The following ZEB2 variants were observed in gnomAD, a reference collection of about 807,000 sequenced individuals.
The protein encoded by ZEB2 is zinc finger E-box binding homeobox 2, also known as zinc finger E-box-binding homeobox 2.
A neutral mutation model predicts 99.9 loss-of-function variants in ZEB2; 6 were observed. The ratio of observed to expected loss-of-function variants is 0.06; its 90% CI spans 0.03 to 0.12. The LOEUF is 0.12. Among genes scored for constraint, ZEB2 ranks in the 10% least tolerant of loss-of-function variants. The pLI is 1.00. For synonymous variants in ZEB2, 517 were observed against 542.5 expected (o/e 0.95, Z 0.65); for missense variants, 969 against 1,502.8 (o/e 0.64, Z 5.87).
chr2:144,427,187 G>A (rs1273894567), intron 3 of ZEB2: 4 of 152,202 alleles, frequency 2.6e-5, no homozygotes, highest in South Asian at 4.1e-4. Context: ...AGCAGAAAGA[G>A]GCCAAGATGC....
In ZEB2 at chr2:144,387,657, T is replaced by A. The variant is rs1300996315; in HGVS notation, c.*1794A>T. On this transcript the variant is annotated 3_prime_UTR_variant, in exon 10 of 10. Transcript: ENST00000627532. ...TAGCTGTCTTTTTGAAATTAGACTT[T>A]TTTTTGAATAAATCACAAAGACCCC... 6.6e-6 allele frequency: 1 copy of A among 152,244 alleles called. No homozygotes were observed. The highest frequency in any genetic ancestry group is 6.5e-5 in the Admixed American group (1 of 15,276). 9.4% of individuals were successfully genotyped at this position (152,244 alleles called of 1,614,324 possible).
intron 1 of ZEB2, chr2:144,519,451 G>A (rs1705229818): frequency 6.5e-6 from 1 of 153,540 alleles, no homozygotes; most frequent in Non-Finnish European, 1.4e-5. Context: ...ATGTCTAAGA[G>A]AAAGACTTGC....
chr2:144,391,914 C>T (rs1161044969), intron 9 of ZEB2, among the ~76,000 whole-genome samples: 1 of 152,140 alleles, frequency 6.6e-6, no homozygotes, highest in Admixed American at 6.5e-5. Flanking sequence ...AAAGGAAGAT[C>T]ATTTGGGGAC....
At chr2:144,417,209 T>A (rs1363168018) in intron 4 of ZEB2, among the ~76,000 whole-genome samples, 1 of 152,144 alleles carries the variant, frequency 6.6e-6, no homozygotes. Flanking sequence ...ATTTGTAAAT[T>A]TTCTCTTCTT....
chr2:144,499,010 TCA>T (rs1364700608), intron 2 of ZEB2, among the ~76,000 whole-genome samples: 7 of 152,180 alleles, frequency 4.6e-5, no homozygotes, highest in African/African-American at 1.4e-4. Context: ...AAACATAACT[TCA>T]GAGTGAAGTG....
At chr2:144,502,642 AG>A (rs1704890153) in intron 2 of ZEB2, among the ~76,000 whole-genome samples, 1 of 152,190 alleles carries the variant, frequency 6.6e-6, no homozygotes, top group South Asian at 2.1e-4. Context: ...AGAGAGGCAG[AG>A]GGGGAACAAA....
intron 2 of ZEB2, among the ~76,000 whole-genome samples, chr2:144,439,237 G>A (rs936706186): frequency 1.3e-5 from 2 of 151,192 alleles, no homozygotes; most frequent in Non-Finnish European, 2.9e-5. Flanking sequence ...AAGCACACAT[G>A]TTCCCTCTCT....
intron 2 of ZEB2, chr2:144,512,374 G>T: frequency 7.8e-7 from 1 of 1,287,248 alleles, no homozygotes; most frequent in Non-Finnish European, 1.0e-6. Flanking sequence ...GGCACTGCTA[G>T]AGGCTAGCAA....
At chr2:144,509,958 C>A (rs1327684099) in intron 2 of ZEB2, among the ~76,000 whole-genome samples, 1 of 152,078 alleles carries the variant, frequency 6.6e-6, no homozygotes, top group African/African-American at 2.4e-5. Flanking sequence ...ATACCACCAA[C>A]CCCTCCCCTA....
At chr2:144,472,225 A>C (rs1205482569) in intron 2 of ZEB2, among the ~76,000 whole-genome samples, 1 of 151,460 alleles carries the variant, frequency 6.6e-6, no homozygotes, top group Non-Finnish European at 1.5e-5. Flanking sequence ...TCATCATCAT[A>C]TCATCATCAT....
chr2:144,501,695 A>G (rs1312310369), intron 2 of ZEB2, among the ~76,000 whole-genome samples: 8 of 152,204 alleles, frequency 5.3e-5, no homozygotes, highest in African/African-American at 1.9e-4. Flanking sequence ...ACAAAGTATT[A>G]ATAGGAAACC....
At chr2:144,484,212 T>TGTGTGTGTGTGTGTGTGTGTGTGA (rs1413886511) in intron 2 of ZEB2, among the ~76,000 whole-genome samples, 3 of 151,814 alleles carry the variant, frequency 2.0e-5, no homozygotes, top group African/African-American at 7.3e-5. Flanking sequence ...TGTGTGTGTG[T>TGTGTGTGTGTGTGTGTGTGTGTGA]GAAATAGCCC....
At chr2:144,407,882 A>G (rs1367450850) in intron 4 of ZEB2, among the ~76,000 whole-genome samples, 2 of 152,252 alleles carry the variant, frequency 1.3e-5, no homozygotes, top group African/African-American at 4.8e-5. Flanking sequence ...TTCAGCAACT[A>G]TTTGAATGAT....
chr2:144,444,153 C>A (rs1049173625), intron 2 of ZEB2, among the ~76,000 whole-genome samples: 27 of 152,204 alleles, frequency 1.8e-4, no homozygotes, highest in African/African-American at 6.3e-4. Context: ...CTCATCTGAT[C>A]TGATAGTCGT....
At chr2:144,395,868 T>A (rs1703222458) in intron 9 of ZEB2, among the ~76,000 whole-genome samples, 1 of 152,144 alleles carries the variant, frequency 6.6e-6, no homozygotes, top group African/African-American at 2.4e-5. Flanking sequence ...ATCTTCCAAA[T>A]ATAGGTGGTT....
intron 2 of ZEB2, 69 bp from the exon 3 acceptor site, chr2:144,430,095 T>G: frequency 3.8e-6 from 6 of 1,589,790 alleles, no homozygotes; most frequent in Non-Finnish European, 5.1e-6. Context: ...CCTAATTGTT[T>G]AGTTAAATGG....
intron 2 of ZEB2, among the ~76,000 whole-genome samples, chr2:144,488,515 T>C (rs2149917862): frequency 6.6e-6 from 1 of 152,330 alleles, no homozygotes; most frequent in South Asian, 2.1e-4. Flanking sequence ...GCAAACAGTA[T>C]TTTCATGTTC....
intron 2 of ZEB2, among the ~76,000 whole-genome samples, chr2:144,492,592 C>T (rs1314318511): frequency 6.6e-6 from 1 of 152,144 alleles, no homozygotes; most frequent in African/African-American, 2.4e-5. Context: ...ATGTCCAAAG[C>T]CTACACTCTT....
At chr2:144,423,999 C>T (rs1440451163) in intron 4 of ZEB2, among the ~76,000 whole-genome samples, 1 of 151,934 alleles carries the variant, frequency 6.6e-6, no homozygotes, top group Non-Finnish European at 1.5e-5. Context: ...GGACTGTTTG[C>T]AACACCCCTC....
Sources: allele counts gnomAD v4.1 joint callset (sites outside exome capture counted in the v4.1 genomes callset), GRCh38; gene constraint gnomAD v4.1.1; transcripts MANE v1.5; gene names NCBI Gene and HGNC (gene_info 2026-07-23, HGNC 2026-07-21).